Variants in CDH13 observed in about 807,000 individuals in gnomAD.
CDH13 encodes cadherin 13, also known as cadherin-13.
In CDH13, 24 loss-of-function variants were observed where a neutral mutation model predicts 63.8. That is an observed-to-expected ratio of 0.38 (90% CI 0.27 to 0.53). The LOEUF (loss-of-function observed/expected upper bound fraction) is 0.53, where lower values mean the gene tolerates loss of function less well. Ranked by LOEUF, CDH13 falls within the 20% of genes least tolerant of loss-of-function variation. The pLI, the probability that CDH13 is intolerant of heterozygous loss-of-function variation, is 0.85. For missense variants in CDH13, 1,049 were observed against 903.1 expected, an observed-to-expected ratio of 1.16 and a Z score of -2.07; for synonymous variants, 503 against 355.3, an observed-to-expected ratio of 1.42 and a Z score of -4.67.
At chr16:82,948,663 G>C (rs534523757) in intron 2 of CDH13, among the ~76,000 whole-genome samples, 1 of 152,250 alleles carries the variant, frequency 6.6e-6, no homozygotes, top group Non-Finnish European at 1.5e-5. Context: ...TGCAAACTCT[G>C]CTACTAGTCA....
intron 1 of CDH13, among the ~76,000 whole-genome samples, chr16:82,699,023 C>T (rs768760988): frequency 5.3e-5 from 8 of 152,064 alleles, no homozygotes; most frequent in Non-Finnish European, 7.3e-5. Flanking sequence ...GCCCGTGAGC[C>T]GTAGTTTGTT....
chr16:83,292,994 C>G (rs1246815678), intron 5 of CDH13, among the ~76,000 whole-genome samples: 4 of 152,130 alleles, frequency 2.6e-5, no homozygotes, highest in African/African-American at 9.7e-5. Context: ...TGTAATTAAA[C>G]ACATCTTTTG....
At chr16:83,358,848 T>TA (rs892157023) in intron 6 of CDH13, among the ~76,000 whole-genome samples, 60 of 152,114 alleles carry the variant, frequency 3.9e-4, no homozygotes, top group African/African-American at 1.3e-3. Flanking sequence ...TTTATTAGGT[T>TA]AAAAAAAACC....
chr16:83,595,905 A>G (rs1282863304), intron 7 of CDH13, among the ~76,000 whole-genome samples: 1 of 152,214 alleles, frequency 6.6e-6, no homozygotes, highest in Non-Finnish European at 1.5e-5. Flanking sequence ...TTGAGTATAC[A>G]GTGGAATGAG....
chr16:82,936,415 T>G (rs576580978), intron 2 of CDH13, among the ~76,000 whole-genome samples: 3 of 152,146 alleles, frequency 2.0e-5, no homozygotes, highest in Admixed American at 6.5e-5. Context: ...TATGAGAATG[T>G]AATGCCTGAT....
At chr16:83,082,955 G>A (rs1033140877) in intron 3 of CDH13, among the ~76,000 whole-genome samples, 2 of 148,752 alleles carry the variant, frequency 1.3e-5, no homozygotes, top group African/African-American at 2.5e-5. Flanking sequence ...TTTAAACGGT[G>A]TCTTCCCTTT....
Position 83,179,481 on chromosome 16 carries a change from T to TAAAAAAAAAAAAAAAAAAAA in CDH13, c.484-37862_484-37843dup, listed in dbSNP as rs565547312. 1.3e-3 allele frequency among the ~76,000 whole-genome samples: 93 copies of TAAAAAAAAAAAAAAAAAAAA among 69,050 alleles called. 6 individuals carry two copies. Among genetic ancestry groups the TAAAAAAAAAAAAAAAAAAAA allele is most frequent in the African/African-American group, 1.7e-3 (24 of 14,318 alleles). 45.3% of individuals were successfully genotyped at this position (69,050 alleles called of 152,430 possible). ...TAACACAGTGAAACCCCGTCTCTAC[T>TAAAAAAAAAAAAAAAAAAAA]AAAAAAAAAAAAAAAAAAAAATTAG... On this transcript the variant is annotated intron_variant, in intron 4 of 13. Coordinates refer to ENST00000567109, the MANE Select transcript of CDH13 (RefSeq NM_001257.5).
intron 6 of CDH13, among the ~76,000 whole-genome samples, chr16:83,399,919 T>A (rs58431253): frequency 0.068 from 10,399 of 152,252 alleles, 391 homozygotes; most frequent in East Asian, 0.19. Flanking sequence ...AGTTTAAATA[T>A]GTGATGTAAA....
intron 3 of CDH13, among the ~76,000 whole-genome samples, chr16:83,095,039 G>A (rs1406214925): frequency 1.3e-5 from 2 of 152,044 alleles, no homozygotes; most frequent in Non-Finnish European, 2.9e-5. Context: ...TTCTTTATTT[G>A]TTTAGAAAAA....
intron 6 of CDH13, among the ~76,000 whole-genome samples, chr16:83,427,155 C>A (rs986664973): frequency 3.3e-5 from 5 of 151,944 alleles, no homozygotes; most frequent in South Asian, 2.1e-4. Context: ...ACCTGGTGAT[C>A]CGCCTGCCTC....
intron 2 of CDH13, among the ~76,000 whole-genome samples, chr16:82,896,367 T>C (rs1381555650): frequency 6.8e-6 from 1 of 147,870 alleles, no homozygotes. Flanking sequence ...TCACAGCTTA[T>C]TGCAGTCTTG....
At chr16:83,057,805 C>G (rs1430513132) in intron 3 of CDH13, among the ~76,000 whole-genome samples, 2 of 152,090 alleles carry the variant, frequency 1.3e-5, no homozygotes, top group Non-Finnish European at 2.9e-5. Context: ...GATGTTAAGA[C>G]CAGAGTGTGC....
intron 5 of CDH13, among the ~76,000 whole-genome samples, chr16:83,222,814 A>G (rs1229254695): frequency 2.0e-5 from 3 of 152,218 alleles, no homozygotes; most frequent in Non-Finnish European, 4.4e-5. Flanking sequence ...TGACAAGGCC[A>G]GATGAGGTGG....
intron 3 of CDH13, among the ~76,000 whole-genome samples, chr16:83,092,124 T>C (rs2033942326): frequency 6.6e-6 from 1 of 152,210 alleles, no homozygotes; most frequent in Admixed American, 6.5e-5. Flanking sequence ...TCATTTCTCA[T>C]TATGGACTGT....
chr16:83,222,837 T>C (rs912461535), intron 5 of CDH13, among the ~76,000 whole-genome samples: 2 of 152,156 alleles, frequency 1.3e-5, no homozygotes, highest in African/African-American at 4.8e-5. Flanking sequence ...CTACAGGAAA[T>C]ACCCACATAT....
intron 10 of CDH13, among the ~76,000 whole-genome samples, chr16:83,744,235 C>T (rs1014547535): frequency 6.6e-6 from 1 of 152,088 alleles, no homozygotes; most frequent in Admixed American, 6.5e-5. Flanking sequence ...GTGTTAGGCT[C>T]CCAAAGGCAT....
At chr16:82,785,873 C>T (rs1238386867) in intron 1 of CDH13, among the ~76,000 whole-genome samples, 4 of 152,200 alleles carry the variant, frequency 2.6e-5, no homozygotes, top group Non-Finnish European at 5.9e-5. Flanking sequence ...TGCACCCTTA[C>T]AGATGGAACT....
chr16:83,595,660 G>C (rs1907182273), intron 7 of CDH13, among the ~76,000 whole-genome samples: 2 of 152,124 alleles, frequency 1.3e-5, no homozygotes, highest in Admixed American at 1.3e-4. Context: ...AGGTTACATG[G>C]GAGGTTTAAG....
At chr16:82,636,733 C>T (rs368063060) in intron 1 of CDH13, among the ~76,000 whole-genome samples, 1 of 152,278 alleles carries the variant, frequency 6.6e-6, no homozygotes, top group East Asian at 1.9e-4. Context: ...CTGGGCCACT[C>T]TAAAGAAACA....
Sources: gnomAD v4.1 joint callset for allele counts (sites outside exome capture counted in the v4.1 genomes callset) on GRCh38, gnomAD v4.1.1 for gene constraint, MANE v1.5 for transcripts, NCBI Gene and HGNC (gene_info 2026-07-23, HGNC 2026-07-21) for gene names.